The following POC1B variants were observed in gnomAD, a reference collection of about 807,000 sequenced individuals.
The protein encoded by POC1B is POC1 centriolar protein homolog B.
In POC1B, 44 loss-of-function variants were observed where a neutral mutation model predicts 60.6. The ratio of observed to expected loss-of-function variants is 0.73; its 90% CI spans 0.57 to 0.93. The LOEUF is 0.93. Among genes scored for constraint, POC1B ranks in the 40% least tolerant of loss-of-function variants. The pLI is 0.00. For missense variants in POC1B, 555 were observed against 572.3 expected (o/e 0.97, Z 0.31); for synonymous variants, 180 against 198.9 (o/e 0.90, Z 0.80).
chr12:89,463,765 T>G (rs1308496286), intron 9 of POC1B, among the ~76,000 whole-genome samples: 2 of 152,166 alleles, frequency 1.3e-5, no homozygotes, highest in African/African-American at 4.8e-5. Context: ...TGTGGCCTCC[T>G]TCTCTCATTT....
Position 89,456,541 on chromosome 12 carries a change from A to C in POC1B, c.1113+3097T>G, listed in dbSNP as rs188903634. On this transcript the variant is annotated intron_variant, in intron 10 of 11. Coordinates refer to ENST00000313546, the MANE Select transcript of POC1B (RefSeq NM_172240.3). ...ATCTTGAACTAAATAATCTTTAGAA[A>C]ATTAGTATATAAGTGACAATATAAA... Among the ~76,000 whole-genome samples the C allele has an allele frequency of 1.1e-3, 160 of 152,340 alleles. 2 individuals carry two copies. In the South Asian group the frequency reaches 0.03, roughly 28 times the overall value.
intron 4 of POC1B, among the ~76,000 whole-genome samples, chr12:89,475,138 A>G (rs1312452040): frequency 6.6e-6 from 1 of 152,220 alleles, no homozygotes; most frequent in Non-Finnish European, 1.5e-5. Context: ...GTTGTTAACA[A>G]AACAGGTGCC....
chr12:89,486,796 C>G (rs1868654117), intron 4 of POC1B, among the ~76,000 whole-genome samples: 1 of 152,048 alleles, frequency 6.6e-6, no homozygotes, highest in African/African-American at 2.4e-5. Context: ...TTTCACTTTT[C>G]AAAACTCTGC....
chr12:89,416,726 G>A (rs1565888085), downstream of POC1B, among the ~76,000 whole-genome samples: 1 of 152,170 alleles, frequency 6.6e-6, no homozygotes, highest in African/African-American at 2.4e-5. Flanking sequence ...AGACAAGCCA[G>A]AGACCTAATT....
intron 10 of POC1B, among the ~76,000 whole-genome samples, chr12:89,429,952 A>T (rs746579840): frequency 2.6e-5 from 4 of 152,238 alleles, no homozygotes; most frequent in African/African-American, 4.8e-5. Context: ...GGTAGGCATT[A>T]GAGCTATAGC....
intron 9 of POC1B, among the ~76,000 whole-genome samples, chr12:89,464,707 C>G (rs565509689): frequency 6.6e-6 from 1 of 150,560 alleles, no homozygotes; most frequent in Non-Finnish European, 1.5e-5. Flanking sequence ...AGGCTAGTCT[C>G]GAACTCCTGA....
intron 10 of POC1B, among the ~76,000 whole-genome samples, chr12:89,442,114 CA>C (rs1592589065): frequency 6.6e-6 from 1 of 152,050 alleles, no homozygotes; most frequent in Non-Finnish European, 1.5e-5. Flanking sequence ...GTGAAAAGAC[CA>C]AATCTACGTC....
At chr12:89,497,926 C>T (rs961126263) in intron 2 of POC1B, among the ~76,000 whole-genome samples, 1 of 152,094 alleles carries the variant, frequency 6.6e-6, no homozygotes, top group African/African-American at 2.4e-5. Flanking sequence ...CACGTAAACC[C>T]ACACACACAA....
At chr12:89,421,929 C>A (rs1288749652) in intron 11 of POC1B, among the ~76,000 whole-genome samples, 3 of 152,170 alleles carry the variant, frequency 2.0e-5, no homozygotes, top group Admixed American at 2.0e-4. Context: ...AATACATATA[C>A]AAACACATAT....
At chr12:89,424,727 G>C (rs1240677798) in intron 11 of POC1B, among the ~76,000 whole-genome samples, 4 of 152,110 alleles carry the variant, frequency 2.6e-5, no homozygotes, top group Non-Finnish European at 5.9e-5. Flanking sequence ...TCAAAAAAGT[G>C]GATAATATTC....
Position 89,430,084 on chromosome 12 carries a change from G to T in POC1B, c.1114-4705C>A, listed in dbSNP as rs73432819. Among the ~76,000 whole-genome samples the T allele has an allele frequency of 5.9e-3, 902 of 152,276 alleles. 18 individuals carry two copies. The highest frequency in any genetic ancestry group is 0.021 in the African/African-American group (857 of 41,552). ...AAGTTCTTCTTTGGATAACCCCATG[G>T]TTGCCATCTTGAAGATGGGAAATGC... On this transcript the variant is annotated intron_variant, in intron 10 of 11. Transcript: ENST00000313546.
chr12:89,487,724 C>T (rs1170859949), intron 4 of POC1B, among the ~76,000 whole-genome samples: 1 of 152,166 alleles, frequency 6.6e-6, no homozygotes, highest in Non-Finnish European at 1.5e-5. Context: ...TGCTTTGCTC[C>T]TCCTGGCTCC....
chr12:89,478,216 T>C (rs552921391), intron 4 of POC1B, among the ~76,000 whole-genome samples: 2 of 152,322 alleles, frequency 1.3e-5, no homozygotes, highest in East Asian at 3.9e-4. Flanking sequence ...TTCAAGCGAT[T>C]CTCATGCCTC....
chr12:89,438,161 TA>T (rs964917717), intron 10 of POC1B, among the ~76,000 whole-genome samples: 1 of 150,264 alleles, frequency 6.7e-6, no homozygotes, highest in Non-Finnish European at 1.5e-5. Flanking sequence ...ATTACTCCAT[TA>T]AAAAAGCTCT....
intron 10 of POC1B, among the ~76,000 whole-genome samples, chr12:89,432,033 AC>A (rs1402199367): frequency 6.6e-6 from 1 of 151,736 alleles, no homozygotes; most frequent in African/African-American, 2.4e-5. Context: ...CCGTATAAGG[AC>A]CCTTGTGATT....
At chr12:89,525,536 G>A in intron 1 of POC1B, 3 of 1,298,432 alleles carry the variant, frequency 2.3e-6, no homozygotes, top group Admixed American at 3.8e-5. Context: ...GCGAGGATGC[G>A]CCTCGGCTTT....
chr12:89,447,304 A>G (rs1425641423), intron 10 of POC1B, among the ~76,000 whole-genome samples: 5 of 152,190 alleles, frequency 3.3e-5, no homozygotes, highest in Non-Finnish European at 7.4e-5. Flanking sequence ...AAAATGTAAG[A>G]CAGTCATATG....
At chr12:89,411,361 A>T in the POC1B span, among the ~76,000 whole-genome samples, 1 of 152,188 alleles carries the variant, frequency 6.6e-6, no homozygotes, top group East Asian at 1.9e-4. Context: ...GCTGCCTAGA[A>T]TTTTATCATC....
Position 89,525,896 on chromosome 12 carries a change from C to CG in POC1B, c.-2dup, listed in dbSNP as rs1871445377. On this transcript the variant is annotated 5_prime_UTR_variant, in exon 1 of 12. Transcript: ENST00000313546. ...CCGTCCTTACCGTGGCTGAGGCCAT[C>CG]GGGGGAGTGGTCGGCCCAAGGCTCC... The CG allele has an allele frequency of 4.7e-6, 7 of 1,475,448 alleles. No homozygotes were observed. The highest frequency in any genetic ancestry group is 1.8e-6 in the Non-Finnish European group (2 of 1,106,976). The allele number at this position is 1,475,448 out of a possible 1,614,324, so 91.4% of individuals were successfully genotyped here.
Sources: allele counts gnomAD v4.1 joint callset (sites outside exome capture counted in the v4.1 genomes callset), GRCh38; gene constraint gnomAD v4.1.1; transcripts MANE v1.5; gene names NCBI Gene and HGNC (gene_info 2026-07-23, HGNC 2026-07-21).